Variants in SPAG16 observed in about 807,000 individuals in gnomAD.
The protein encoded by SPAG16 is sperm-associated antigen 16 protein.
Under a neutral mutation model 80.4 loss-of-function variants are expected in SPAG16, and 86 were observed. The ratio of observed to expected loss-of-function variants is 1.07; its 90% CI spans 0.90 to 1.28. The LOEUF (loss-of-function observed/expected upper bound fraction) is 1.28, where lower values mean the gene tolerates loss of function less well. Ranked by LOEUF, SPAG16 falls within the 50% of genes most tolerant of loss-of-function variation. The pLI is 0.00. For synonymous variants in SPAG16, 294 were observed against 265.9 expected (o/e 1.11, Z -1.03); for missense variants, 870 against 765.3 (o/e 1.14, Z -1.61).
intron 10 of SPAG16, among the ~76,000 whole-genome samples, chr2:213,791,059 C>G (rs1172355827): frequency 6.6e-6 from 1 of 151,890 alleles, no homozygotes; most frequent in Non-Finnish European, 1.5e-5. Context: ...TTGAAATGGT[C>G]TCCAATTGTG....
chr2:214,052,901 C>T (rs1028654170), intron 13 of SPAG16, among the ~76,000 whole-genome samples: 1 of 152,148 alleles, frequency 6.6e-6, no homozygotes, highest in African/African-American at 2.4e-5. Context: ...GGTTGAGGTG[C>T]GTTAGAGGAA....
At chr2:214,322,661 A>G (rs1336808510) in intron 15 of SPAG16, among the ~76,000 whole-genome samples, 3 of 152,250 alleles carry the variant, frequency 2.0e-5, no homozygotes, top group Non-Finnish European at 4.4e-5. Context: ...GAATATTTCA[A>G]GTATAATTAA....
intron 14 of SPAG16, among the ~76,000 whole-genome samples, chr2:214,123,116 C>G (rs2054300098): frequency 6.6e-6 from 1 of 151,546 alleles, no homozygotes. Context: ...TATAAGCAGC[C>G]ATTAAAAAAA....
intron 11 of SPAG16, among the ~76,000 whole-genome samples, chr2:213,925,395 A>G (rs1337316600): frequency 1.4e-5 from 2 of 144,080 alleles, no homozygotes; most frequent in East Asian, 4.1e-4. Context: ...TGTGTTGCCT[A>G]GGCTGGAGTG....
intron 10 of SPAG16, among the ~76,000 whole-genome samples, chr2:213,558,598 A>C (rs1204467562): frequency 2.6e-5 from 4 of 152,058 alleles, no homozygotes; most frequent in Non-Finnish European, 5.9e-5. Context: ...TATATTTTTA[A>C]AAAAGAAACT....
chr2:213,445,389 T>C (rs1039336363), intron 9 of SPAG16, among the ~76,000 whole-genome samples: 1 of 152,152 alleles, frequency 6.6e-6, no homozygotes, highest in Non-Finnish European at 1.5e-5. Flanking sequence ...TAGCTGGGCG[T>C]GGCGGCTCAT....
chr2:213,477,713 A>G (rs978375786), intron 9 of SPAG16, among the ~76,000 whole-genome samples: 4 of 152,232 alleles, frequency 2.6e-5, no homozygotes, highest in Admixed American at 2.6e-4. Flanking sequence ...TTACAGGATC[A>G]TAGGTGGAAG....
chr2:213,735,705 G>A (rs1299593044), intron 10 of SPAG16, among the ~76,000 whole-genome samples: 1 of 152,206 alleles, frequency 6.6e-6, no homozygotes, highest in Admixed American at 6.5e-5. Flanking sequence ...GTAAAAGAGG[G>A]GAATGGGTGG....
At chr2:213,677,360 A>G (rs531090912) in intron 10 of SPAG16, among the ~76,000 whole-genome samples, 14 of 152,342 alleles carry the variant, frequency 9.2e-5, no homozygotes, top group African/African-American at 3.4e-4. Flanking sequence ...AGTGTGTTGT[A>G]TTTGGGAAAC....
intron 12 of SPAG16, among the ~76,000 whole-genome samples, chr2:213,943,984 CA>C (rs923296315): frequency 1.3e-5 from 2 of 152,164 alleles, no homozygotes; most frequent in Admixed American, 6.5e-5. Flanking sequence ...TATTCAACTG[CA>C]AAAACATGTT....
intron 10 of SPAG16, among the ~76,000 whole-genome samples, chr2:213,774,410 T>C (rs1248127373): frequency 6.6e-6 from 1 of 152,232 alleles, no homozygotes; most frequent in Non-Finnish European, 1.5e-5. Flanking sequence ...ACTCCAATCC[T>C]TAATCTTCAC....
At chr2:214,046,307 T>C (rs2049323699) in intron 13 of SPAG16, among the ~76,000 whole-genome samples, 2 of 152,144 alleles carry the variant, frequency 1.3e-5, no homozygotes, top group Admixed American at 1.3e-4. Flanking sequence ...ACTCAAACTA[T>C]TTCCAAAAAT....
At chr2:214,235,395 A>C (rs1689004850) in intron 15 of SPAG16, among the ~76,000 whole-genome samples, 1 of 152,154 alleles carries the variant, frequency 6.6e-6, no homozygotes, top group Non-Finnish European at 1.5e-5. Flanking sequence ...AATAAATATT[A>C]TACCATATTT....
At chr2:213,811,196 GA>G (rs2072129243) in intron 10 of SPAG16, among the ~76,000 whole-genome samples, 1 of 152,036 alleles carries the variant, frequency 6.6e-6, no homozygotes, top group South Asian at 2.1e-4. Context: ...TTAACAGTAA[GA>G]ACATTAAGGT....
chr2:214,309,288 G>A (rs753178031), intron 15 of SPAG16, among the ~76,000 whole-genome samples: 7 of 151,948 alleles, frequency 4.6e-5, no homozygotes, highest in Non-Finnish European at 8.8e-5. Context: ...CTCCCATAAT[G>A]TTTTATCATT....
intron 13 of SPAG16, among the ~76,000 whole-genome samples, chr2:214,033,676 A>G (rs1165773595): frequency 6.6e-6 from 1 of 152,032 alleles, no homozygotes; most frequent in Non-Finnish European, 1.5e-5. Context: ...AAGTGTTAAC[A>G]TTTTACTATT....
At chr2:213,835,560 T>C (rs772843772) in intron 10 of SPAG16, among the ~76,000 whole-genome samples, 65 of 152,244 alleles carry the variant, frequency 4.3e-4, no homozygotes, top group Admixed American at 2.0e-3. Context: ...GGATGTCCTG[T>C]GTTTAATCTC....
chr2:214,081,340 A>C (rs944628317), intron 13 of SPAG16, among the ~76,000 whole-genome samples: 4 of 152,124 alleles, frequency 2.6e-5, no homozygotes, highest in African/African-American at 7.2e-5. Flanking sequence ...CCAATTACTT[A>C]TCTCTGTTTT....
intron 11 of SPAG16, among the ~76,000 whole-genome samples, chr2:213,899,486 A>T (rs1042542428): frequency 6.6e-6 from 1 of 152,156 alleles, no homozygotes; most frequent in Non-Finnish European, 1.5e-5. Context: ...AGAAAAAATT[A>T]AAATGAGAGA....
Sources: allele counts gnomAD v4.1 joint callset (sites outside exome capture counted in the v4.1 genomes callset), GRCh38; gene constraint gnomAD v4.1.1; transcripts MANE v1.5; gene names NCBI Gene and HGNC (gene_info 2026-07-23, HGNC 2026-07-21).